The following CACNA1D variants were observed in gnomAD, a reference collection of about 807,000 sequenced individuals.
CACNA1D encodes calcium voltage-gated channel subunit alpha1 D, also known as voltage-dependent L-type calcium channel subunit alpha-1D.
A neutral mutation model predicts 257.1 loss-of-function variants in CACNA1D; 55 were observed. The ratio of observed to expected loss-of-function variants is 0.21; its 90% CI spans 0.17 to 0.27. The LOEUF (loss-of-function observed/expected upper bound fraction) is 0.27. Ranked by LOEUF, CACNA1D falls within the 10% of genes least tolerant of loss-of-function variation. The pLI is 1.00. For missense variants in CACNA1D, 1,876 were observed against 2,784.0 expected, an observed-to-expected ratio of 0.67 and a Z score of 7.34; for synonymous variants, 980 against 1,014.9, an observed-to-expected ratio of 0.97 and a Z score of 0.65.
intron 3 of CACNA1D, among the ~76,000 whole-genome samples, chr3:53,643,392 A>G (rs1469247260): frequency 6.6e-6 from 1 of 152,156 alleles, no homozygotes; most frequent in Non-Finnish European, 1.5e-5. Flanking sequence ...GCTGTGTGAT[A>G]GCGCTGCGGC....
At chr3:53,756,026 A>G (rs2095262757) in intron 29 of CACNA1D, among the ~76,000 whole-genome samples, 1 of 152,250 alleles carries the variant, frequency 6.6e-6, no homozygotes, top group South Asian at 2.1e-4. Flanking sequence ...GAGCTTTGTA[A>G]AAGGGTCCCT....
At chr3:53,715,117 C>T (rs1349952090) in intron 9 of CACNA1D, among the ~76,000 whole-genome samples, 1 of 152,126 alleles carries the variant, frequency 6.6e-6, no homozygotes, top group African/African-American at 2.4e-5. Context: ...AGAAGGTAGG[C>T]TGCCAGGGCC....
At chr3:53,540,584 C>G (rs896778149) in intron 3 of CACNA1D, among the ~76,000 whole-genome samples, 3 of 151,808 alleles carry the variant, frequency 2.0e-5, no homozygotes, top group African/African-American at 7.3e-5. Flanking sequence ...TATATCTTTG[C>G]CTTTCTATTT....
intron 22 of CACNA1D, among the ~76,000 whole-genome samples, chr3:53,743,634 A>G (rs1157148239): frequency 1.3e-5 from 2 of 152,222 alleles, no homozygotes; most frequent in African/African-American, 4.8e-5. Context: ...TCAGGGCCCC[A>G]GGTCTTTTCC....
At chr3:53,721,981 T>C (rs1486147167) in intron 11 of CACNA1D, among the ~76,000 whole-genome samples, 1 of 152,212 alleles carries the variant, frequency 6.6e-6, no homozygotes, top group African/African-American at 2.4e-5. Context: ...CAAGTGTAGT[T>C]TTGCATCTGC....
At chr3:53,687,817 A>G (rs902156879) in intron 8 of CACNA1D, among the ~76,000 whole-genome samples, 4 of 152,238 alleles carry the variant, frequency 2.6e-5, no homozygotes, top group African/African-American at 7.2e-5. Context: ...AAGAATGTAT[A>G]TGAGTAGCCA....
chr3:53,718,253 C>T (rs369951450), intron 9 of CACNA1D, 48 bp from the exon 10 acceptor site: 8 of 1,524,380 alleles, frequency 5.2e-6, no homozygotes, highest in East Asian at 2.2e-5. Flanking sequence ...GCCTCCCAGG[C>T]GTGCAGTGTG....
chr3:53,580,136 G>A (rs1392117201), intron 3 of CACNA1D, among the ~76,000 whole-genome samples: 1 of 152,176 alleles, frequency 6.6e-6, no homozygotes, highest in African/African-American at 2.4e-5. Flanking sequence ...TGGGTAACTT[G>A]GTACCATTCA....
chr3:53,569,797 A>G (rs1202412827), intron 3 of CACNA1D, among the ~76,000 whole-genome samples: 1 of 152,200 alleles, frequency 6.6e-6, no homozygotes, highest in East Asian at 1.9e-4. Context: ...GATACTTCTG[A>G]GTTTAAATTC....
At chr3:53,523,507 A>C (rs1423872761) in intron 3 of CACNA1D, among the ~76,000 whole-genome samples, 1 of 152,258 alleles carries the variant, frequency 6.6e-6, no homozygotes, top group African/African-American at 2.4e-5. Context: ...CAGTGGCACA[A>C]CTGAGACTGG....
At position 53,773,954 on chromosome 3, in the gene CACNA1D, A is replaced by G. The variant is rs553273746; in HGVS notation, c.4111-633A>G. On this transcript the variant is annotated intron_variant, in intron 33 of 47. Coordinates refer to ENST00000350061, the MANE Select transcript of CACNA1D (RefSeq NM_001128840.3). ...GTCAGTCTGCTCCCTAAATCTCACA[A>G]GTAAAACTCTTTAGTACCTTCCCAT... The G allele has an allele frequency of 2.0e-5, 3 of 152,872 alleles. No individual in the cohort carries two copies. The East Asian group carries it at 5.8e-4, about 30-fold the overall frequency. The allele number at this position is 152,872 out of a possible 1,614,324, so 9.5% of individuals were successfully genotyped here.
chr3:53,546,106 G>C (rs1444771260), intron 3 of CACNA1D, among the ~76,000 whole-genome samples: 1 of 152,180 alleles, frequency 6.6e-6, no homozygotes, highest in Non-Finnish European at 1.5e-5. Flanking sequence ...GGCCTCTTTG[G>C]CCAGGCCCTC....
intron 3 of CACNA1D, among the ~76,000 whole-genome samples, chr3:53,647,355 C>G (rs1179848630): frequency 1.3e-5 from 2 of 152,194 alleles, no homozygotes; most frequent in Non-Finnish European, 1.5e-5. Context: ...TGTTAAGGTA[C>G]AGCTCCTGCT....
At chr3:53,773,107 T>C (rs945279059) in intron 33 of CACNA1D, among the ~76,000 whole-genome samples, 1 of 152,230 alleles carries the variant, frequency 6.6e-6, no homozygotes, top group African/African-American at 2.4e-5. Flanking sequence ...GAGGTTAGAA[T>C]GCACCAGGAA....
rs554224998 is a variant in CACNA1D at position 53,673,540 on chromosome 3, G to C, written c.1220+414G>C. 9.5e-5 allele frequency among the ~76,000 whole-genome samples: 14 copies of C among 147,160 alleles called. No individual in the cohort carries two copies. The highest frequency in any genetic ancestry group is 2.0e-4 in the Admixed American group (3 of 14,736). ...TAGTCCCCATTTGTAGATTTCAGCC[G>C]CTGAGCTTGTCCTTATTTGCAGAAA... is the stretch of plus-strand genomic sequence containing the variant. On this transcript the variant is annotated intron_variant, in intron 8 of 47. Transcript: ENST00000350061. This position sits in a 1 kb window ranked among gnomAD's most constrained non-coding sequence, Gnocchi z 4.1.
chr3:53,559,130 CCTG>C (rs2092694860), intron 3 of CACNA1D, among the ~76,000 whole-genome samples: 1 of 152,096 alleles, frequency 6.6e-6, no homozygotes, highest in Admixed American at 6.5e-5. Context: ...ACTCACTATT[CCTG>C]CTATTACCTC....
intron 3 of CACNA1D, among the ~76,000 whole-genome samples, chr3:53,595,457 T>C (rs1484271503): frequency 1.3e-5 from 2 of 152,176 alleles, no homozygotes; most frequent in Admixed American, 6.5e-5. Context: ...AGGGTTGCCT[T>C]GAAGCTCTGG....
intron 8 of CACNA1D, among the ~76,000 whole-genome samples, chr3:53,683,628 T>C (rs2094450876): frequency 6.6e-6 from 1 of 152,130 alleles, no homozygotes; most frequent in South Asian, 2.1e-4. Context: ...CAATTAATAA[T>C]CAAAGACTTT....
At chr3:53,718,461 C>A in intron 10 of CACNA1D, 73 bp downstream of exon 10, 1 of 1,385,316 alleles carries the variant, frequency 7.2e-7, no homozygotes, top group Non-Finnish European at 1.0e-6. Context: ...GAAGACCGCC[C>A]AGGCTGCAGC....
Sources: allele counts gnomAD v4.1 joint callset (sites outside exome capture counted in the v4.1 genomes callset), GRCh38; gene constraint gnomAD v4.1.1; non-coding constraint Gnocchi (gnomAD v3.1); transcripts MANE v1.5; gene names NCBI Gene and HGNC (gene_info 2026-07-23, HGNC 2026-07-21).